Variants in LRP1 observed in about 807,000 individuals in gnomAD.
LRP1 encodes the protein LDL receptor related protein 1.
LRP1 carries 51 observed loss-of-function variants against 541.5 expected under a neutral mutation model. That is an observed-to-expected ratio of 0.09 (90% CI 0.08 to 0.12). The LOEUF (loss-of-function observed/expected upper bound fraction) is 0.12. Among genes scored for constraint, LRP1 ranks in the 10% least tolerant of loss-of-function variants. The pLI is 1.00. For synonymous variants in LRP1, 2,219 were observed against 2,470.8 expected (o/e 0.90, Z 3.02); for missense variants, 3,878 against 6,376.2 (o/e 0.61, Z 13.34).
rs778694383 is a variant in LRP1 at position 57,212,701 on chromosome 12, G to A, written c.*146G>A. The A allele has an allele frequency of 1.0e-5, 9 of 874,362 alleles. No homozygotes were observed. Among genetic ancestry groups the A allele is most frequent in the African/African-American group, 1.0e-4 (6 of 58,674 alleles). 54.2% of individuals were successfully genotyped at this position (874,362 alleles called of 1,614,324 possible). On this transcript the variant is annotated 3_prime_UTR_variant, in exon 89 of 89. Transcript: ENST00000243077. The surrounding 1 kb of genome is among the most constrained non-coding windows in gnomAD (Gnocchi z 5.0). The stretch of plus-strand genomic sequence containing the variant: ...AAGGAATTACATTTTATATGTGAGC[G>A]AGCAAGCCGGCAAGCGAGCACAGTA...
intron 10 of LRP1, among the ~76,000 whole-genome samples, chr12:57,157,735 T>C (rs767389048): frequency 6.6e-5 from 10 of 152,202 alleles, no homozygotes; most frequent in Non-Finnish European, 1.5e-4. Context: ...ACCATGTAAC[T>C]CCCTGAGGGA....
At position 57,178,310 on chromosome 12, in the gene LRP1, G is replaced by A. The variant is rs368070024; in HGVS notation, c.4362-49G>A. 19 of 1,581,988 alleles carry A rather than the reference G, an allele frequency of 1.2e-5. No individual in the cohort carries two copies. In the Admixed American group the frequency reaches 1.9e-4, roughly 16 times the overall value. On this transcript the variant is annotated intron_variant, in intron 26 of 88. Transcript: ENST00000243077. This position sits in a 1 kb window ranked among gnomAD's most constrained non-coding sequence, Gnocchi z 5.8. ...GGTGGGCACCTGGGCAGAGCTCTGA[G>A]GGCTGAGATCCCAGCTGGCATCCTC...
Position 57,200,802 on chromosome 12 carries a change from C to T in LRP1, c.10212C>T (p.Asp3404=), listed in dbSNP as rs201671276. 21 of 1,613,532 alleles carry T rather than the reference C, an allele frequency of 1.3e-5. No homozygotes were observed. The East Asian group carries it at 1.3e-4, about 10-fold the overall frequency. ...DGDNDCQDNS[D]EANCDIHVCL... ...ACAATGACTGCCAGGACAACAGTGACGAGGCCAACTGTGGTAAGGCGCTGC... is the reference window on the plus strand; with the variant it reads ...ACAATGACTGCCAGGACAACAGTGATGAGGCCAACTGTGGTAAGGCGCTGC... The change falls in exon 64 of 89, where the codon GAC becomes GAT. Residue 3404 remains aspartate (D), a synonymous_variant. Transcript: ENST00000243077.
chr12:57,197,122 T>C lies in LRP1; in HGVS notation c.9033T>C (p.Tyr3011=), dbSNP rs1479252112. Residue 3011 remains tyrosine, a synonymous_variant, in exon 56 of 89, where the codon TAT becomes TAC. Transcript: ENST00000243077. This position sits in a 1 kb window ranked among gnomAD's most constrained non-coding sequence, Gnocchi z 4.5. ...ATAAGTGTCTGTGTGTGGAGGGCTATGCACCCCGCGGCGGCGACCCCCACA... is the reference window on the plus strand; with the variant it reads ...ATAAGTGTCTGTGTGTGGAGGGCTACGCACCCCGCGGCGGCGACCCCCACA... The part of the protein sequence containing the change: ...GSYKCLCVEG[Y]APRGGDPHSC... 1.9e-6 allele frequency: 3 copies of C among 1,613,942 alleles called. No individual in the cohort carries two copies. Among genetic ancestry groups the C allele is most frequent in the African/African-American group, 2.7e-5 (2 of 74,938 alleles).
Position 57,177,376 on chromosome 12 carries a change from G to A in LRP1, c.4197-51G>A, listed in dbSNP as rs373199195. The A allele has an allele frequency of 4.0e-5, 63 of 1,561,432 alleles. No homozygotes were observed. In the East Asian group the frequency reaches 9.5e-4, roughly 23 times the overall value. On this transcript the variant is annotated intron_variant, in intron 25 of 88. Transcript: ENST00000243077. The surrounding 1 kb of genome is among the most constrained non-coding windows in gnomAD (Gnocchi z 6.8). ...CTCTACCTACGATCCCACCACAGTC[G>A]CTCCCTGAGGGCCCTGACTTTAGCC...
chr12:57,187,505 G>T (rs761524189), intron 42 of LRP1, 49 bp downstream of exon 42: 3 of 1,571,166 alleles, frequency 1.9e-6, no homozygotes, highest in South Asian at 2.4e-5. Context: ...TGGGACTCGG[G>T]GTGGCAGAAA....
rs545769823 is a variant in LRP1, at chr12:57,206,399, T to C, written c.11591-74T>C. On this transcript the variant is annotated intron_variant, in intron 75 of 88. Coordinates refer to ENST00000243077, the MANE Select transcript of LRP1 (RefSeq NM_002332.3). The surrounding 1 kb of genome is among the most constrained non-coding windows in gnomAD (Gnocchi z 4.7). ...CTACCAGGAGATGGGACAGTGTTCATGTGAAAGGAGCTGAGCTGGGTGGGG... is the reference window on the plus strand; with the variant it reads ...CTACCAGGAGATGGGACAGTGTTCACGTGAAAGGAGCTGAGCTGGGTGGGG... 30 of 1,459,506 alleles carry C rather than the reference T, an allele frequency of 2.1e-5. No homozygotes were observed. In the East Asian group the frequency reaches 6.6e-4, roughly 32 times the overall value. The allele number at this position is 1,459,506 out of a possible 1,614,324, so 90.4% of individuals were successfully genotyped here. A position where few individuals can be genotyped will look rare whatever the true frequency, so the allele number is the denominator to read the frequency against.
chr12:57,211,611 C>G lies in LRP1; in HGVS notation c.13193+23C>G, dbSNP rs771161215. Reference sequence around the variant, plus strand: ...CCAGTGAGTTGGGCCCGGGCTTCACCCAGGCATAGATCATCGCTCCCTTCC... The same window carrying G: ...CCAGTGAGTTGGGCCCGGGCTTCACGCAGGCATAGATCATCGCTCCCTTCC... On this transcript the variant is annotated intron_variant, in intron 85 of 88. Coordinates refer to ENST00000243077, the MANE Select transcript of LRP1 (RefSeq NM_002332.3). The surrounding 1 kb of genome is among the most constrained non-coding windows in gnomAD (Gnocchi z 4.3). 22 of 1,611,742 alleles carry G rather than the reference C, an allele frequency of 1.4e-5. No individual in the cohort carries two copies. Among genetic ancestry groups the G allele is most frequent in the Non-Finnish European group, 1.8e-5 (21 of 1,177,898 alleles).
intron 6 of LRP1, among the ~76,000 whole-genome samples, chr12:57,153,734 G>C (rs1201742683): frequency 1.3e-5 from 2 of 152,072 alleles, no homozygotes; most frequent in East Asian, 3.9e-4. Context: ...GTTTATTAGC[G>C]TGTACCCTGC....
In LRP1 at chr12:57,205,025, G is replaced by T; in HGVS notation, c.11195-84G>T. ...CTGCAAGCCTTGTCACTTAGGAATT[G>T]GGAGCCACTGTTATCTATGGGGTTG... On this transcript the variant is annotated intron_variant, in intron 72 of 88. Transcript: ENST00000243077. This position sits in a 1 kb window ranked among gnomAD's most constrained non-coding sequence, Gnocchi z 4.6. 1 of 1,519,720 alleles carries T rather than the reference G, an allele frequency of 6.6e-7. No individual in the cohort carries two copies. The highest frequency in any genetic ancestry group is 1.3e-5 in the South Asian group (1 of 78,132). The allele number at this position is 1,519,720 out of a possible 1,614,324, so 94.1% of individuals were successfully genotyped here.
chr12:57,210,962 C>A, intron 83 of LRP1, 83 bp downstream of exon 83: 1 of 1,518,620 alleles, frequency 6.6e-7, no homozygotes, highest in South Asian at 1.2e-5. Flanking sequence ...CAACCTGTGC[C>A]TGGGACCCAC....
Position 57,193,322 on chromosome 12 carries a change from G to A in LRP1, c.7684+18G>A, listed in dbSNP as rs898776707. 1 of 1,607,414 alleles carries A rather than the reference G, an allele frequency of 6.2e-7. No individual in the cohort carries two copies. On this transcript the variant is annotated intron_variant, in intron 46 of 88. Transcript: ENST00000243077. Reference sequence around the variant, plus strand: ...CTACTGCAGTAAGGAGCCCCCTGCAGCCCCTGCCTCTTCCAGGCCCAGAGC... The same window carrying A: ...CTACTGCAGTAAGGAGCCCCCTGCAACCCCTGCCTCTTCCAGGCCCAGAGC...
intron 19 of LRP1, 127 bp downstream of exon 19, chr12:57,167,651 G>A (rs1404346688): frequency 1.4e-6 from 1 of 740,318 alleles, no homozygotes; most frequent in African/African-American, 1.7e-5. Context: ...ATCCCTGCTG[G>A]GTTGCCTGGG....
In LRP1 at chr12:57,173,396, A is replaced by G. The variant is rs1565732499; in HGVS notation, c.3346+46A>G. On this transcript the variant is annotated intron_variant, in intron 21 of 88. Transcript: ENST00000243077. This position sits in a 1 kb window ranked among gnomAD's most constrained non-coding sequence, Gnocchi z 4.7. ...GCGTCTGGAACAGCACAATGTGGGC[A>G]GGAGGAGACCGTGTTGAGAGCAGAG... is the stretch of plus-strand genomic sequence containing the variant. 3 of 1,586,794 alleles carry G rather than the reference A, an allele frequency of 1.9e-6. No homozygotes were observed. The highest frequency in any genetic ancestry group is 8.6e-7 in the Non-Finnish European group (1 of 1,161,152).
At chr12:57,188,504 A>T (rs2036314213) in intron 42 of LRP1, among the ~76,000 whole-genome samples, 1 of 151,910 alleles carries the variant, frequency 6.6e-6, no homozygotes, top group Non-Finnish European at 1.5e-5. Context: ...TCTGCAGCTG[A>T]TGATGAAGGT....
At chr12:57,130,422 C>T (rs896164935) in intron 1 of LRP1, among the ~76,000 whole-genome samples, 4 of 151,890 alleles carry the variant, frequency 2.6e-5, no homozygotes, top group East Asian at 1.9e-4. Flanking sequence ...CTCTACCCCC[C>T]ACCCCCACCC....
intron 22 of LRP1, 145 bp from the exon 23 acceptor site, chr12:57,175,315 C>G: frequency 1.1e-6 from 1 of 948,862 alleles, no homozygotes; most frequent in Non-Finnish European, 1.6e-6. Flanking sequence ...GCCTGAAGCT[C>G]AGCAGGAATG....
intron 76 of LRP1, among the ~76,000 whole-genome samples, chr12:57,207,512 T>G (rs1485439601): frequency 7.3e-6 from 1 of 137,626 alleles, no homozygotes. Flanking sequence ...GCCTGGATGA[T>G]AGAGCGAGAC....
At position 57,205,035 on chromosome 12, in the gene LRP1, G is replaced by A. The variant is rs2036740749; in HGVS notation, c.11195-74G>A. 4 of 1,534,232 alleles carry A rather than the reference G, an allele frequency of 2.6e-6. No individual in the cohort carries two copies. The South Asian group carries it at 3.8e-5, about 14-fold the overall frequency. On this transcript the variant is annotated intron_variant, in intron 72 of 88. Coordinates refer to ENST00000243077, the MANE Select transcript of LRP1 (RefSeq NM_002332.3). This position sits in a 1 kb window ranked among gnomAD's most constrained non-coding sequence, Gnocchi z 4.6. ...TGTCACTTAGGAATTGGGAGCCACT[G>A]TTATCTATGGGGTTGCCGTGGGAGG...
Sources: allele counts gnomAD v4.1 joint callset (sites outside exome capture counted in the v4.1 genomes callset), GRCh38; gene constraint gnomAD v4.1.1; non-coding constraint Gnocchi (gnomAD v3.1); transcripts MANE v1.5; gene names NCBI Gene and HGNC (gene_info 2026-07-23, HGNC 2026-07-21).